CDYL: variants seen among roughly 807,000 people sequenced by gnomAD.
CDYL encodes chromodomain Y like, also known as chromodomain Y-like protein.
CDYL carries 8 observed loss-of-function variants against 47.3 expected under a neutral mutation model. The ratio of observed to expected loss-of-function variants is 0.17; its 90% confidence interval spans 0.10 to 0.31. The LOEUF (loss-of-function observed/expected upper bound fraction) is 0.31. Among genes scored for constraint, CDYL ranks in the 10% least tolerant of loss-of-function variants. The pLI is 1.00. For missense variants in CDYL, 471 were observed against 701.4 expected (o/e 0.67, Z 3.71); for synonymous variants, 266 against 265.0 (o/e 1.00, Z -0.04).
intron 1 of CDYL, among the ~76,000 whole-genome samples, chr6:4,780,825 A>G (rs1333994541): frequency 5.9e-5 from 9 of 152,238 alleles, no homozygotes; most frequent in Admixed American, 5.2e-4. Context: ...TAAACTGATT[A>G]TATCACCAGA....
At chr6:4,837,769 AT>A (rs993528307) in intron 1 of CDYL, among the ~76,000 whole-genome samples, 2 of 140,154 alleles carry the variant, frequency 1.4e-5, no homozygotes, top group Non-Finnish European at 3.1e-5. Context: ...CCGGCCTCTT[AT>A]TTTTTCTTTT....
chr6:4,889,595 A>G (rs1761985618), intron 1 of CDYL, among the ~76,000 whole-genome samples: 1 of 152,160 alleles, frequency 6.6e-6, no homozygotes, highest in Admixed American at 6.5e-5. Context: ...TAAAATTCAA[A>G]TTTTAGTGTC....
intron 1 of CDYL, among the ~76,000 whole-genome samples, chr6:4,831,806 G>A (rs528164721): frequency 6.6e-6 from 1 of 152,304 alleles, no homozygotes; most frequent in East Asian, 1.9e-4. Flanking sequence ...TTGTAAGGTG[G>A]ATTCCTAAGT....
rs188048431 is a variant in CDYL, at chr6:4,721,955, C to T, written c.103+6074C>T. ...TCGGCTCACTGCAAGCTCCACCTCC[C>T]GGGTTCACACCATTCTCCTGCCTCA... On this transcript the variant is annotated intron_variant, in intron 2 of 8. Transcript: ENST00000328908. 4.6e-5 allele frequency among the ~76,000 whole-genome samples: 7 copies of T among 151,800 alleles called. No individual in the cohort carries two copies. The South Asian group carries it at 6.3e-4, about 14-fold the overall frequency.
At chr6:4,861,648 G>A (rs960396946) in intron 1 of CDYL, among the ~76,000 whole-genome samples, 1 of 152,200 alleles carries the variant, frequency 6.6e-6, no homozygotes, top group Non-Finnish European at 1.5e-5. Context: ...CTATGTTGAA[G>A]TTATCTTAAC....
chr6:4,902,659 AATTTGATAT>A (rs1757105040), intron 2 of CDYL, among the ~76,000 whole-genome samples: 1 of 152,030 alleles, frequency 6.6e-6, no homozygotes, highest in Non-Finnish European at 1.5e-5. Flanking sequence ...TCTCCTTTTT[AATTTGATAT>A]CTCACCTTTT....
At chr6:4,906,300 T>A (rs1757235257) in intron 2 of CDYL, among the ~76,000 whole-genome samples, 1 of 152,276 alleles carries the variant, frequency 6.6e-6, no homozygotes, top group Non-Finnish European at 1.5e-5. Context: ...CTGTTTCCCA[T>A]GCTTGGCATT....
intron 2 of CDYL, among the ~76,000 whole-genome samples, chr6:4,717,155 C>A (rs749051094): frequency 2.7e-4 from 41 of 152,108 alleles, no homozygotes; most frequent in Non-Finnish European, 4.7e-4. Flanking sequence ...GTGGCTGGAG[C>A]AGTGAGGGGC....
chr6:4,820,354 A>T (rs112761643), intron 1 of CDYL, among the ~76,000 whole-genome samples: 4,043 of 152,264 alleles, frequency 0.027, 183 homozygotes, highest in African/African-American at 0.092. Context: ...CCCTGATGTT[A>T]GGCTATAAAG....
intron 5 of CDYL, among the ~76,000 whole-genome samples, chr6:4,947,018 G>A (rs545003826): frequency 6.6e-4 from 101 of 152,282 alleles, no homozygotes; most frequent in Non-Finnish European, 1.1e-3. Flanking sequence ...GAGCCCCCAC[G>A]TCAGTGAATC....
intron 1 of CDYL, among the ~76,000 whole-genome samples, chr6:4,867,900 T>G (rs1761366239): frequency 6.6e-6 from 1 of 151,894 alleles, no homozygotes; most frequent in Admixed American, 6.6e-5. Context: ...TGACATAGAG[T>G]TATTCAGAGT....
At chr6:4,943,972 T>C (rs1758439157) in intron 5 of CDYL, among the ~76,000 whole-genome samples, 1 of 152,200 alleles carries the variant, frequency 6.6e-6, no homozygotes, top group Non-Finnish European at 1.5e-5. Flanking sequence ...CCACTTTGCA[T>C]AATTCACATG....
chr6:4,707,109 A>G (rs930368552), intron 1 of CDYL, among the ~76,000 whole-genome samples: 24 of 152,154 alleles, frequency 1.6e-4, no homozygotes, highest in African/African-American at 5.6e-4. Flanking sequence ...CAAATATCCA[A>G]GAAGAGGTAT....
intron 2 of CDYL, among the ~76,000 whole-genome samples, chr6:4,924,606 A>G (rs575868856): frequency 1.3e-5 from 2 of 152,216 alleles, no homozygotes; most frequent in South Asian, 2.1e-4. Context: ...GTTGGTTTTT[A>G]TGACATCTTG....
At chr6:4,894,834 CGTGTGTGTGT>C (rs71540834) in intron 2 of CDYL, among the ~76,000 whole-genome samples, 10 of 145,348 alleles carry the variant, frequency 6.9e-5, no homozygotes, top group African/African-American at 1.8e-4. Flanking sequence ...CCACAAAAGT[CGTGTGTGTGT>C]GTGTGTGTGT....
At chr6:4,791,678 C>T (rs77104321) in intron 1 of CDYL, among the ~76,000 whole-genome samples, 2 of 150,988 alleles carry the variant, frequency 1.3e-5, no homozygotes, top group African/African-American at 2.4e-5. Context: ...GGGCCCTGTG[C>T]GTGTTTACTG....
chr6:4,782,723 A>G (rs376099543), intron 1 of CDYL, among the ~76,000 whole-genome samples: 1 of 152,220 alleles, frequency 6.6e-6, no homozygotes, highest in East Asian at 1.9e-4. Context: ...TCTGATTCTC[A>G]GAGGGATATA....
intron 1 of CDYL, among the ~76,000 whole-genome samples, chr6:4,825,248 C>G (rs1759949506): frequency 6.6e-6 from 1 of 152,122 alleles, no homozygotes; most frequent in Non-Finnish European, 1.5e-5. Flanking sequence ...TAGAAACACT[C>G]TGATTTTTGT....
chr6:4,933,994 T>C (rs1294572283), intron 2 of CDYL, among the ~76,000 whole-genome samples: 1 of 152,198 alleles, frequency 6.6e-6, no homozygotes, highest in Non-Finnish European at 1.5e-5. Flanking sequence ...TTCTAAGATA[T>C]TGTGGAAGGA....
Sources: allele counts gnomAD v4.1 joint callset (sites outside exome capture counted in the v4.1 genomes callset), GRCh38; gene constraint gnomAD v4.1.1; transcripts MANE v1.5; gene names NCBI Gene and HGNC (gene_info 2026-07-23, HGNC 2026-07-21).